Variants in PGD observed in about 807,000 individuals in gnomAD.
PGD encodes 6-phosphogluconate dehydrogenase, decarboxylating.
PGD carries 21 observed loss-of-function variants against 60.4 expected under a neutral mutation model. The ratio of observed to expected loss-of-function variants is 0.35; its 90% confidence interval spans 0.25 to 0.50. PGD has a LOEUF of 0.50. Among genes scored for constraint, PGD ranks in the 20% least tolerant of loss-of-function variants. The probability of loss-of-function intolerance (pLI) is 0.98; values close to 1 mark genes in which losing one functional copy is unlikely to be tolerated. For synonymous variants in PGD, 230 were observed against 235.9 expected (o/e 0.97, Z 0.23); for missense variants, 477 against 613.1 (o/e 0.78, Z 2.34).
At chr1:10,419,568 G>T (rs750654262) in intron 12 of PGD, 29 bp downstream of exon 12, 1 of 1,614,020 alleles carries the variant, frequency 6.2e-7, no homozygotes, top group Non-Finnish European at 8.5e-7. Context: ...GATTAACCTG[G>T]CTGGCCCCTC....
At chr1:10,400,962 TAAGCTTATGGTCCCAGCTAC>T (rs924373116) in intron 3 of PGD, among the ~76,000 whole-genome samples, 9 of 152,270 alleles carry the variant, frequency 5.9e-5, no homozygotes, top group South Asian at 4.1e-4. Context: ...TATGGTGGTG[TAAGCTTATGGTCCCAGCTAC>T]AAGCTTATGG....
chr1:10,410,021 T>TA (rs1310706196), intron 6 of PGD, among the ~76,000 whole-genome samples: 1 of 152,150 alleles, frequency 6.6e-6, no homozygotes, highest in Admixed American at 6.5e-5. Flanking sequence ...TCCTTGCCCC[T>TA]ACGTGTGTTG....
In PGD at chr1:10,413,162, C is replaced by T. The variant is rs202134777; in HGVS notation, c.755C>T (p.Pro252Leu). ...GACACCGATGGCAAACACCTGCTGC[C>T]AAAGATCAGGGACAGCGCGGGGCAG... ...FQDTDGKHLL[P>L]KIRDSAGQKG... The change falls in exon 8 of 13, where the codon CCA becomes CTA. Residue 252 changes from proline to leucine, a missense_variant. By Grantham distance (98) the Pro-to-Leu change is moderately conservative. Around this residue, in one of 3 missense-constraint regions of PGD, gnomAD observed 431 missense variants for 556.6 expected, o/e 0.77. Transcript: ENST00000270776. 281 of 1,614,080 alleles carry T rather than the reference C, an allele frequency of 1.7e-4. No homozygotes were observed. The highest frequency in any genetic ancestry group is 2.2e-4 in the Non-Finnish European group (262 of 1,180,018).
At chr1:10,412,303 G>A (rs918172217) in intron 7 of PGD, among the ~76,000 whole-genome samples, 7 of 152,274 alleles carry the variant, frequency 4.6e-5, no homozygotes, top group Non-Finnish European at 5.9e-5. Flanking sequence ...CTTTCTAGTC[G>A]TGTCTTACCA....
In PGD at chr1:10,408,219, C is replaced by G. The variant is rs1182604167; in HGVS notation, c.519+79C>G. The G allele has an allele frequency of 8.5e-6, 7 of 827,524 alleles. No homozygotes were observed. The East Asian group carries it at 1.5e-4, about 17-fold the overall frequency. The allele number at this position is 827,524 out of a possible 1,614,324, so 51.3% of individuals were successfully genotyped here. On this transcript the variant is annotated intron_variant, in intron 6 of 12. Transcript: ENST00000270776. ...GATGAAGTGCGTGGAGAAAGGCCAC[C>G]GTGGTCTCCCAGGGGTTAGCTTGGT... is the stretch of plus-strand genomic sequence containing the variant.
At chr1:10,403,002 CTTGT>C in intron 3 of PGD, 65 bp from the exon 4 acceptor site, 2 of 1,008,504 alleles carry the variant, frequency 2.0e-6, no homozygotes, top group East Asian at 2.4e-5. Flanking sequence ...GGAATAAATT[CTTGT>C]TTGTTTTAAT....
At chr1:10,416,330 G>A (rs1639593793) in intron 8 of PGD, among the ~76,000 whole-genome samples, 1 of 152,180 alleles carries the variant, frequency 6.6e-6, no homozygotes, top group African/African-American at 2.4e-5. Context: ...CTTTGTGATT[G>A]AATACTCATG....
chr1:10,409,949 C>T (rs1639472754), intron 6 of PGD, among the ~76,000 whole-genome samples: 1 of 152,150 alleles, frequency 6.6e-6, no homozygotes, highest in South Asian at 2.1e-4. Context: ...AGCCACCGCA[C>T]CCAGCCTGCA....
intron 5 of PGD, among the ~76,000 whole-genome samples, chr1:10,405,382 AAAC>A (rs1303408888): frequency 7.8e-6 from 1 of 127,516 alleles, no homozygotes; most frequent in Non-Finnish European, 1.7e-5. Context: ...AAACAAAACA[AAAC>A]AAAACAAACA....
Position 10,419,813 on chromosome 1 carries a change from C to A in PGD, c.*64C>A. The A allele has an allele frequency of 6.3e-7, 1 of 1,581,000 alleles. No homozygotes were observed. The stretch of plus-strand genomic sequence containing the variant: ...AGGACATTCCATGTGCCTCATGGCA[C>A]TGCCACCTGGCCCTTTGCCCTATTT... On this transcript the variant is annotated 3_prime_UTR_variant, in exon 13 of 13. Transcript: ENST00000270776.
At chr1:10,414,132 T>C (rs1486992083) in intron 8 of PGD, among the ~76,000 whole-genome samples, 8 of 152,142 alleles carry the variant, frequency 5.3e-5, no homozygotes, top group African/African-American at 1.4e-4. Flanking sequence ...CCCCTAGATA[T>C]TAAAAAGATA....
In PGD at chr1:10,399,612, T is replaced by C; in HGVS notation, c.9-17T>C. 1.2e-6 allele frequency: 2 copies of C among 1,611,808 alleles called. No individual in the cohort carries two copies. The highest frequency in any genetic ancestry group is 2.2e-5 in the East Asian group (1 of 44,878). ...GCGGTGCTGACTCTTTCCTTTGTTC[T>C]GTTTCTGCCTCTCTAGAGCTGACAT... is the stretch of plus-strand genomic sequence containing the variant. On this transcript the variant is annotated splice_polypyrimidine_tract_variant and intron_variant, in intron 1 of 12. Transcript: ENST00000270776.
chr1:10,419,424 G>C lies in PGD; in HGVS notation c.1217G>C (p.Trp406Ser). ...KSAVENCQDS[W>S]RRAVSTGVQA... Reference sequence around the variant, plus strand: ...CGTGCGTTTTGTGCTCAGGACTCCTGGCGGCGGGCAGTCAGCACTGGGGTC... The same window carrying C: ...CGTGCGTTTTGTGCTCAGGACTCCTCGCGGCGGGCAGTCAGCACTGGGGTC... Residue 406 changes from tryptophan to serine, a missense_variant, in exon 12 of 13, where the codon TGG (tryptophan) becomes TCG (serine). Coordinates refer to ENST00000270776, the MANE Select transcript of PGD (RefSeq NM_002631.4). The C allele has an allele frequency of 1.2e-6, 2 of 1,613,428 alleles. No homozygotes were observed. Among genetic ancestry groups the C allele is most frequent in the Non-Finnish European group, 1.7e-6 (2 of 1,179,856 alleles).
intron 7 of PGD, 149 bp from the exon 8 acceptor site, chr1:10,412,913 C>T: frequency 1.6e-6 from 1 of 628,390 alleles, no homozygotes; most frequent in Non-Finnish European, 2.8e-6. Flanking sequence ...TAGCATAAAA[C>T]TCAACCAGCA....
chr1:10,403,862 C>G (rs1456754040), intron 4 of PGD, among the ~76,000 whole-genome samples: 1 of 152,154 alleles, frequency 6.6e-6, no homozygotes, highest in Non-Finnish European at 1.5e-5. Context: ...TATTCAAGGT[C>G]TTTTCCAGTA....
rs953107217 is a variant in PGD at position 10,419,909 on chromosome 1, CT to C, written c.*161del. On this transcript the variant is annotated 3_prime_UTR_variant, in exon 13 of 13. Coordinates refer to ENST00000270776, the MANE Select transcript of PGD (RefSeq NM_002631.4). ...CACACAGTTTATTTGTAAAGTAGCT[CT>C]GTGAGAGCCACCATGCCCTCTGCCC... The C allele has an allele frequency of 9.7e-5, 80 of 822,952 alleles. No homozygotes were observed. Among genetic ancestry groups the C allele is most frequent in the Non-Finnish European group, 1.4e-4 (75 of 525,128 alleles). The allele number at this position is 822,952 out of a possible 1,614,324, so 51.0% of individuals were successfully genotyped here.
In PGD at chr1:10,419,878, G is replaced by C. The variant is rs999560603; in HGVS notation, c.*129G>C. ...TAAAAGTGTTGTAAGAGACTCCTGA[G>C]GAAGACACACAGTTTATTTGTAAAG... On this transcript the variant is annotated 3_prime_UTR_variant, in exon 13 of 13. Transcript: ENST00000270776. The C allele has an allele frequency of 2.7e-6, 3 of 1,093,600 alleles. No individual in the cohort carries two copies. Among genetic ancestry groups the C allele is most frequent in the Non-Finnish European group, 4.0e-6 (3 of 750,176 alleles). 67.7% of individuals were successfully genotyped at this position (1,093,600 alleles called of 1,614,324 possible).
rs1639670377 is a variant in PGD, at chr1:10,420,232, C to T, written c.*483C>T. On this transcript the variant is annotated 3_prime_UTR_variant, in exon 13 of 13. Transcript: ENST00000270776. The stretch of plus-strand genomic sequence containing the variant: ...AAAGATTTTTCTTTAAAAAAAAAGA[C>T]TAGAATAACACAAGAAACCACATTT... 6.3e-6 allele frequency: 1 copy of T among 159,924 alleles called. No individual in the cohort carries two copies. Among genetic ancestry groups the T allele is most frequent in the Admixed American group, 5.9e-5 (1 of 17,020 alleles). 9.9% of individuals were successfully genotyped at this position (159,924 alleles called of 1,614,324 possible).
chr1:10,414,284 T>C (rs1639556658), intron 8 of PGD, among the ~76,000 whole-genome samples: 1 of 152,050 alleles, frequency 6.6e-6, no homozygotes, highest in Non-Finnish European at 1.5e-5. Flanking sequence ...AGCATCAAAC[T>C]CAGAAAGATA....
Sources: gnomAD v4.1 joint callset for allele counts (sites outside exome capture counted in the v4.1 genomes callset) on GRCh38, gnomAD v4.1.1 for gene constraint, gnomAD v4.1.1 regional missense constraint, MANE v1.5 for transcripts, NCBI Gene and HGNC (gene_info 2026-07-23, HGNC 2026-07-21) for gene names.